TMEM196: variants seen among roughly 807,000 people sequenced by gnomAD.
The protein encoded by TMEM196 is transmembrane protein 196.
In TMEM196, 17 loss-of-function variants were observed where a neutral mutation model predicts 20.0. That is an observed-to-expected ratio of 0.85 (90% CI 0.58 to 1.27). TMEM196 has a LOEUF of 1.27. Among genes scored for constraint, TMEM196 ranks in the 50% most tolerant of loss-of-function variants. The pLI is 0.00. For missense variants in TMEM196, 267 were observed against 223.0 expected (o/e 1.20, Z -1.26); for synonymous variants, 113 against 88.9 (o/e 1.27, Z -1.52).
chr7:19,724,134 AG>A (rs1331350914), intron 4 of TMEM196, 145 bp downstream of exon 4: 2 of 730,546 alleles, frequency 2.7e-6, no homozygotes, highest in Non-Finnish European at 4.5e-6. Context: ...AGCTCTGCAA[AG>A]TAAGCGCTTA....
intron 1 of TMEM196, among the ~76,000 whole-genome samples, chr7:19,731,383 T>C (rs559944393): frequency 2.0e-5 from 3 of 152,128 alleles, no homozygotes; most frequent in East Asian, 3.9e-4. Flanking sequence ...GATGATCATG[T>C]CCTCTTATGG....
rs1783783389 is a variant in TMEM196 at position 19,720,620 on chromosome 7, T to C, written c.*1508A>G. The C allele has an allele frequency of 1.3e-5, 2 of 151,978 alleles. No homozygotes were observed. Among genetic ancestry groups the C allele is most frequent in the Admixed American group, 1.3e-4 (2 of 15,250 alleles). The allele number at this position is 151,978 out of a possible 1,614,324, so 9.4% of individuals were successfully genotyped here. A position where few individuals can be genotyped will look rare whatever the true frequency, so the allele number is the denominator to read the frequency against. On this transcript the variant is annotated 3_prime_UTR_variant, in exon 5 of 5. Coordinates refer to ENST00000405844, the MANE Select transcript of TMEM196 (RefSeq NM_001363562.2). The stretch of plus-strand genomic sequence containing the variant: ...TTATATTCTGATAAATATATTCAGA[T>C]ATATGTTGTTTTTTCACTTATATGT...
chr7:19,768,519 G>A (rs1013994334), intron 1 of TMEM196, among the ~76,000 whole-genome samples: 45 of 152,140 alleles, frequency 3.0e-4, no homozygotes, highest in African/African-American at 1.1e-3. Flanking sequence ...ACAGCAACTT[G>A]GAAACAGAGC....
At chr7:19,743,430 C>G (rs1042709935) in intron 1 of TMEM196, among the ~76,000 whole-genome samples, 1 of 152,126 alleles carries the variant, frequency 6.6e-6, no homozygotes, top group Non-Finnish European at 1.5e-5. Context: ...TACTCTCACT[C>G]TGTGAGTCAG....
At chr7:19,729,061 A>G (rs971485158) in intron 2 of TMEM196, among the ~76,000 whole-genome samples, 1 of 152,154 alleles carries the variant, frequency 6.6e-6, no homozygotes, top group South Asian at 2.1e-4. Context: ...GAGCTTACTG[A>G]AGGATTCAGG....
chr7:19,723,036 T>C (rs1474909417), intron 4 of TMEM196, among the ~76,000 whole-genome samples: 1 of 152,046 alleles, frequency 6.6e-6, no homozygotes, highest in Admixed American at 6.6e-5. Context: ...AAAAAAAAAT[T>C]AGAAGTGGAA....
chr7:19,770,287 A>G (rs1785818010), intron 1 of TMEM196, among the ~76,000 whole-genome samples: 1 of 152,050 alleles, frequency 6.6e-6, no homozygotes, highest in South Asian at 2.1e-4. Context: ...TAGTTTTTTT[A>G]AGACAGTGCT....
chr7:19,764,423 A>T (rs1252317469), intron 1 of TMEM196, among the ~76,000 whole-genome samples: 1 of 152,166 alleles, frequency 6.6e-6, no homozygotes, highest in East Asian at 1.9e-4. Context: ...CAGTTTTTAC[A>T]TGAACATGTC....
chr7:19,769,267 C>T (rs1785762951), intron 1 of TMEM196, among the ~76,000 whole-genome samples: 1 of 151,970 alleles, frequency 6.6e-6, no homozygotes, highest in Admixed American at 6.6e-5. Context: ...TTCTATCTAG[C>T]TTTCTTCTGC....
intron 1 of TMEM196, among the ~76,000 whole-genome samples, chr7:19,749,282 A>C (rs1029248624): frequency 2.6e-5 from 4 of 152,310 alleles, no homozygotes; most frequent in Middle Eastern, 3.4e-3. Context: ...CGTGATACGG[A>C]GAGAGCCAAT....
intron 1 of TMEM196, among the ~76,000 whole-genome samples, chr7:19,739,621 TC>T (rs1784519020): frequency 6.6e-6 from 1 of 151,982 alleles, no homozygotes; most frequent in Non-Finnish European, 1.5e-5. Context: ...AAGACTAATT[TC>T]CCTAATGTAA....
intron 1 of TMEM196, among the ~76,000 whole-genome samples, chr7:19,739,085 A>G (rs371257316): frequency 1.3e-5 from 2 of 152,152 alleles, no homozygotes; most frequent in Non-Finnish European, 2.9e-5. Flanking sequence ...GATGCCCACT[A>G]TTACCACTTG....
At chr7:19,733,625 C>A (rs1258100316) in intron 1 of TMEM196, among the ~76,000 whole-genome samples, 1 of 150,418 alleles carries the variant, frequency 6.6e-6, no homozygotes, top group Non-Finnish European at 1.5e-5. Context: ...TATAGATTGC[C>A]ACTCTAACTG....
At chr7:19,753,828 C>G (rs147304582) in intron 1 of TMEM196, among the ~76,000 whole-genome samples, 143 of 152,300 alleles carry the variant, frequency 9.4e-4, no homozygotes, top group African/African-American at 3.2e-3. Flanking sequence ...CCAACATTCT[C>G]TTGGCCATTC....
chr7:19,720,909 G>T lies in TMEM196; in HGVS notation c.*1219C>A, dbSNP rs1017507014. On this transcript the variant is annotated 3_prime_UTR_variant, in exon 5 of 5. Coordinates refer to ENST00000405844, the MANE Select transcript of TMEM196 (RefSeq NM_001363562.2). ...CCCTTTTGTATCATTTAACTGGACT[G>T]CAAGGTGTTTGAAATATCAATATCA... The T allele has an allele frequency of 2.0e-5, 3 of 151,830 alleles. No individual in the cohort carries two copies. Among genetic ancestry groups the T allele is most frequent in the African/African-American group, 7.2e-5 (3 of 41,422 alleles). The allele number at this position is 151,830 out of a possible 1,614,324, so 9.4% of individuals were successfully genotyped here.
chr7:19,729,546 T>C, intron 1 of TMEM196, 108 bp from the exon 2 acceptor site: 1 of 991,614 alleles, frequency 1.0e-6, no homozygotes, highest in South Asian at 1.6e-5. Context: ...ATAGAACATT[T>C]TAAATTTCCT....
intron 3 of TMEM196, among the ~76,000 whole-genome samples, chr7:19,724,612 A>G (rs1783926961): frequency 1.3e-5 from 2 of 152,198 alleles, no homozygotes; most frequent in South Asian, 4.1e-4. Flanking sequence ...TCCTTATTTG[A>G]ATGTATAGAT....
chr7:19,724,337 T>G lies in TMEM196; in HGVS notation c.476A>C (p.Glu159Ala). ...EMAEKRLRAI[E>A]ITDLPSCPVV... Reference sequence around the variant, plus strand: ...CGGGCAGCTGGGCAAGTCGGTTATTTCAATAGCCCTCAATCTCTAATGTAA... The same window carrying G: ...CGGGCAGCTGGGCAAGTCGGTTATTGCAATAGCCCTCAATCTCTAATGTAA... Residue 159 changes from glutamate to alanine, a missense_variant, in exon 4 of 5, where the codon GAA (glutamate) becomes GCA (alanine). Transcript: ENST00000405844. 1.3e-6 allele frequency: 2 copies of G among 1,550,330 alleles called. No individual in the cohort carries two copies. Among genetic ancestry groups the G allele is most frequent in the Non-Finnish European group, 1.7e-6 (2 of 1,146,808 alleles).
In TMEM196 at chr7:19,724,242, G is replaced by A. The variant is rs186418314; in HGVS notation, c.533+38C>T. 5.6e-3 allele frequency: 8,515 copies of A among 1,530,110 alleles called. 31 individuals are homozygous for A. The highest frequency in any genetic ancestry group is 7.0e-3 in the Non-Finnish European group (7,948 of 1,128,468). 94.8% of individuals were successfully genotyped at this position (1,530,110 alleles called of 1,614,324 possible). On this transcript the variant is annotated intron_variant, in intron 4 of 4. Transcript: ENST00000405844. ...TGGAAGGGGAAGTGCTTTCTGCAGC[G>A]ACATTACAACATGGTAACTCCCTAG... is the stretch of plus-strand genomic sequence containing the variant.
Sources: gnomAD v4.1 joint callset for allele counts (sites outside exome capture counted in the v4.1 genomes callset) on GRCh38, gnomAD v4.1.1 for gene constraint, MANE v1.5 for transcripts, NCBI Gene and HGNC (gene_info 2026-07-23, HGNC 2026-07-21) for gene names.